Variants in KCTD3 observed in about 807,000 individuals in gnomAD.
The protein encoded by KCTD3 is potassium channel tetramerization domain containing 3.
A neutral mutation model predicts 85.8 loss-of-function variants in KCTD3; 41 were observed. The ratio of observed to expected loss-of-function variants is 0.48; its 90% CI spans 0.37 to 0.62. The LOEUF is 0.62. KCTD3 is among the 20% of genes least tolerant of loss of function. The pLI is 0.00. For missense variants in KCTD3, 724 were observed against 989.9 expected, an observed-to-expected ratio of 0.73 and a Z score of 3.60; for synonymous variants, 338 against 345.4, an observed-to-expected ratio of 0.98 and a Z score of 0.24.
chr1:215,612,202 A>T (rs1035620794), intron 15 of KCTD3, among the ~76,000 whole-genome samples: 6 of 152,196 alleles, frequency 3.9e-5, no homozygotes, highest in Admixed American at 6.5e-5. Flanking sequence ...AATACTTATT[A>T]ATTTTGTTAT....
intron 1 of KCTD3, 90 bp from the exon 2 acceptor site, chr1:215,573,696 A>C (rs1272957382): frequency 1.4e-6 from 1 of 720,614 alleles, no homozygotes; most frequent in Non-Finnish European, 2.4e-6. Context: ...CATCTTGTAA[A>C]TCATTAGCCA....
chr1:215,584,203 T>A (rs574374530), intron 8 of KCTD3, among the ~76,000 whole-genome samples: 1 of 152,236 alleles, frequency 6.6e-6, no homozygotes, highest in South Asian at 2.1e-4. Context: ...GAGTCCAAAT[T>A]GCAGAAAGAA....
chr1:215,579,977 G>T lies in KCTD3; in HGVS notation c.604G>T (p.Ala202Ser). 6.2e-7 allele frequency: 1 copy of T among 1,610,080 alleles called. No homozygotes were observed. Among genetic ancestry groups the T allele is most frequent in the Non-Finnish European group, 8.5e-7 (1 of 1,176,334 alleles). Residue 202 changes from alanine to serine, a missense_variant, in exon 8 of 18, where the codon GCC (alanine) becomes TCC (serine). Ala to Ser is a moderately conservative substitution (Grantham distance 99). Around this residue, in one of 6 missense-constraint regions of KCTD3, gnomAD observed 106 missense variants for 98.2 expected, o/e 1.08. Transcript: ENST00000259154. ...GHHNWIVAAYAHFAVCYRIKE... is the reference protein window; with the variant it reads ...GHHNWIVAAYSHFAVCYRIKE... ...TCACAACTGGATTGTAGCTGCATAT[G>T]CCCATTTTGCTGTGTGTTACAGGTA...
intron 10 of KCTD3, among the ~76,000 whole-genome samples, chr1:215,598,199 C>T (rs1204025282): frequency 1.1e-4 from 17 of 152,022 alleles, no homozygotes; most frequent in Non-Finnish European, 1.5e-5. Flanking sequence ...CTACAAAAAT[C>T]TGAAGTTTTA....
rs1659219853 is a variant in KCTD3, at chr1:215,568,242, G to A, written c.83+474G>A. ...CGGTGTTCTTTTCCGCGCCTAATTAGGGGATTTGTAATTTGAAAGATTTCT... is the reference window on the plus strand; with the variant it reads ...CGGTGTTCTTTTCCGCGCCTAATTAAGGGATTTGTAATTTGAAAGATTTCT... On this transcript the variant is annotated intron_variant, in intron 1 of 17. Coordinates refer to ENST00000259154, the MANE Select transcript of KCTD3 (RefSeq NM_016121.5). 2.0e-5 allele frequency among the ~76,000 whole-genome samples: 3 copies of A among 152,146 alleles called. No individual in the cohort carries two copies. In the South Asian group the frequency reaches 6.2e-4, roughly 32 times the overall value.
intron 11 of KCTD3, 38 bp downstream of exon 11, chr1:215,601,992 TAATTTTTTAAATGA>T (rs751207267): frequency 8.4e-6 from 12 of 1,428,150 alleles, no homozygotes; most frequent in South Asian, 1.2e-5. Context: ...CTGCTTAATG[TAATTTTTTAAATGA>T]GAACAAGAAA....
At chr1:215,619,949 T>C in intron 17 of KCTD3, 108 bp from the exon 18 acceptor site, 1 of 704,314 alleles carries the variant, frequency 1.4e-6, no homozygotes, top group Non-Finnish European at 2.2e-6. Context: ...ATGGATATAA[T>C]ACACTTTATG....
chr1:215,602,616 T>G (rs976338670), intron 12 of KCTD3, among the ~76,000 whole-genome samples: 1 of 152,248 alleles, frequency 6.6e-6, no homozygotes, highest in African/African-American at 2.4e-5. Flanking sequence ...ATTTAAAAAT[T>G]TAAGCTGTAG....
rs757857647 is a variant in KCTD3 at position 215,586,724 on chromosome 1, T to G, written c.817+39T>G. ...TGTTTATGTTGCAATTTGATGATAT[T>G]AATATTTTGAAGTTTATAAAAGAGA... is the stretch of plus-strand genomic sequence containing the variant. On this transcript the variant is annotated intron_variant, in intron 9 of 17. Transcript: ENST00000259154. 1.1e-5 allele frequency: 17 copies of G among 1,533,248 alleles called. No homozygotes were observed. The South Asian group carries it at 2.0e-4, about 18-fold the overall frequency. The allele number at this position is 1,533,248 out of a possible 1,614,324, so 95.0% of individuals were successfully genotyped here. A position where few individuals can be genotyped will look rare whatever the true frequency, so the allele number is the denominator to read the frequency against.
At chr1:215,598,059 A>G (rs1654678604) in intron 10 of KCTD3, among the ~76,000 whole-genome samples, 1 of 152,048 alleles carries the variant, frequency 6.6e-6, no homozygotes, top group African/African-American at 2.4e-5. Flanking sequence ...TGTTTATACT[A>G]AGTATTAAGT....
chr1:215,595,489 T>A lies in KCTD3; in HGVS notation c.933+18T>A. The A allele has an allele frequency of 7.2e-7, 1 of 1,390,942 alleles. No homozygotes were observed. Among genetic ancestry groups the A allele is most frequent in the Non-Finnish European group, 1.0e-6 (1 of 980,030 alleles). The allele number at this position is 1,390,942 out of a possible 1,614,324, so 86.2% of individuals were successfully genotyped here. On this transcript the variant is annotated intron_variant, in intron 10 of 17. Coordinates refer to ENST00000259154, the MANE Select transcript of KCTD3 (RefSeq NM_016121.5). ...ACTGGCAGGTTAGTTTAAAGCATAT[T>A]ACAGAAGTGAAAATATTTCTGAAAT...
rs1655558433 is a variant in KCTD3 at position 215,618,900 on chromosome 1, A to G, written c.1577A>G (p.Gln526Arg). 1 of 1,604,874 alleles carries G rather than the reference A, an allele frequency of 6.2e-7. No homozygotes were observed. ...TTCTTTTGCAGAATATGTGAGATCC[A>G]GGCTGTTGACTGTACTACAATATCC... The part of the protein sequence containing the change: ...SSTGKRICEI[Q>R]AVDCTTISSF... Residue 526 changes from glutamine (Q) to arginine (R), a missense_variant, in exon 16 of 18, where the codon CAG (glutamine) becomes CGG (arginine). Around this residue, in one of 6 missense-constraint regions of KCTD3, gnomAD observed 136 missense variants for 197.6 expected, o/e 0.69. Transcript: ENST00000259154.
intron 15 of KCTD3, among the ~76,000 whole-genome samples, chr1:215,616,523 G>T (rs1480705692): frequency 6.6e-6 from 1 of 151,992 alleles, no homozygotes; most frequent in East Asian, 1.9e-4. Flanking sequence ...CACTTTGGGA[G>T]GCTGAGGTGG....
At chr1:215,618,185 T>C (rs1473837165) in intron 15 of KCTD3, 1 of 454,296 alleles carries the variant, frequency 2.2e-6, no homozygotes, top group South Asian at 1.6e-5. Context: ...GAGTTGATTG[T>C]TGCATGAGAG....
chr1:215,614,018 G>GT (rs577770912), intron 15 of KCTD3, among the ~76,000 whole-genome samples: 991 of 66,258 alleles, frequency 0.015, 182 homozygotes, highest in African/African-American at 0.024. Context: ...CTTTAGAATA[G>GT]TTTTTTTTTT....
chr1:215,614,954 T>G (rs1283523702), intron 15 of KCTD3, among the ~76,000 whole-genome samples: 2 of 152,226 alleles, frequency 1.3e-5, no homozygotes, highest in African/African-American at 4.8e-5. Flanking sequence ...AAAACTGGTA[T>G]CATAACATTC....
At chr1:215,584,407 T>C (rs1173556153) in intron 8 of KCTD3, among the ~76,000 whole-genome samples, 2 of 152,238 alleles carry the variant, frequency 1.3e-5, no homozygotes, top group East Asian at 1.9e-4. Flanking sequence ...AGTTCCTATA[T>C]AGGCTCTTTT....
At chr1:215,570,417 A>T (rs2102549980) in intron 1 of KCTD3, among the ~76,000 whole-genome samples, 1 of 152,288 alleles carries the variant, frequency 6.6e-6, no homozygotes, top group South Asian at 2.1e-4. Context: ...ACTATGACTG[A>T]ATTTATGATT....
At chr1:215,619,799 T>C (rs529654596) in intron 17 of KCTD3, among the ~76,000 whole-genome samples, 1 of 152,294 alleles carries the variant, frequency 6.6e-6, no homozygotes, top group South Asian at 2.1e-4. Flanking sequence ...GTTTCAAGGA[T>C]TTTTCCTCCC....
Sources: gnomAD v4.1 joint callset for allele counts (sites outside exome capture counted in the v4.1 genomes callset) on GRCh38, gnomAD v4.1.1 for gene constraint, gnomAD v4.1.1 regional missense constraint, MANE v1.5 for transcripts, NCBI Gene and HGNC (gene_info 2026-07-23, HGNC 2026-07-21) for gene names.